DBNL: variants seen among roughly 807,000 people sequenced by gnomAD.
The protein encoded by DBNL is drebrin-like protein.
Under a neutral mutation model 62.2 loss-of-function variants are expected in DBNL, and 35 were observed. That is an observed-to-expected ratio of 0.56 (90% CI 0.43 to 0.75). DBNL has a LOEUF of 0.75. DBNL is among the 30% of genes least tolerant of loss of function. The probability of loss-of-function intolerance (pLI) is 0.00; values close to 1 mark genes in which losing one functional copy is unlikely to be tolerated. For missense variants in DBNL, 495 were observed against 578.4 expected (o/e 0.86, Z 1.48); for synonymous variants, 197 against 218.0 (o/e 0.90, Z 0.85).
At position 44,064,799 on chromosome 7, in the gene DBNL, C is replaced by CCCCCCGCCCCCGCGCCGCAAAGTGGGCG; in HGVS notation, c.*3884_*3885insCCCCGCCCCCGCGCCGCAAAGTGGGCGC. On this transcript the variant is annotated 3_prime_UTR_variant, in exon 13 of 13. Coordinates refer to ENST00000448521, the MANE Select transcript of DBNL (RefSeq NM_001014436.3). ...GAAGCCAGCTGGGGCTGCTGCCCAC[C>CCCCCCGCCCCCGCGCCGCAAAGTGGGCG]CACCCTGCCCAGGCTCCTGAAGGTG... 8.2e-7 allele frequency: 1 copy of CCCCCCGCCCCCGCGCCGCAAAGTGGGCG among 1,212,908 alleles called. No homozygotes were observed. Among genetic ancestry groups the CCCCCCGCCCCCGCGCCGCAAAGTGGGCG allele is most frequent in the Non-Finnish European group, 1.2e-6 (1 of 841,502 alleles). The allele number at this position is 1,212,908 out of a possible 1,614,324, so 75.1% of individuals were successfully genotyped here.
At chr7:44,056,648 T>C in intron 4 of DBNL, 109 bp from the exon 5 acceptor site, 1 of 1,442,156 alleles carries the variant, frequency 6.9e-7, no homozygotes, top group Non-Finnish European at 9.3e-7. Flanking sequence ...AGTTTCCTGA[T>C]TCCAGTCCTG....
Position 44,057,817 on chromosome 7 carries a change from G to T in DBNL, c.510G>T (p.Glu170Asp). 6.2e-7 allele frequency: 1 copy of T among 1,614,214 alleles called. No homozygotes were observed. The highest frequency in any genetic ancestry group is 1.3e-5 in the African/African-American group (1 of 75,054). ...ACCAGAAGACCAATGCCGTGTCTGA[G>T]ATTAAAAGGGTTGGTAAAGACAGCT... Reference protein sequence around the residue: ...SVYQKTNAVSEIKRVGKDSFW... With the variant: ...SVYQKTNAVSDIKRVGKDSFW... Residue 170 changes from glutamate to aspartate, a missense_variant, in exon 6 of 13, where the codon GAG (glutamate) becomes GAT (aspartate). By Grantham distance (45) the Glu-to-Asp change is conservative. Transcript: ENST00000448521.
In DBNL at chr7:44,058,963, C is replaced by T; in HGVS notation, c.815C>T (p.Ser272Phe). The change falls in exon 9 of 13, where the codon TCC (serine) becomes TTC (phenylalanine). Residue 272 changes from serine to phenylalanine, a missense_variant. Transcript: ENST00000448521. The part of the protein sequence containing the change: ...KQKERAMSTT[S>F]ISSPQPGKLR... ...AAGGAGAGGGCCATGTCCACCACCT[C>T]CATCTCCAGTCCTCAGCCTGGTGAG... 1 of 1,614,000 alleles carries T rather than the reference C, an allele frequency of 6.2e-7. No homozygotes were observed. The highest frequency in any genetic ancestry group is 1.3e-5 in the African/African-American group (1 of 74,994).
At position 44,060,980 on chromosome 7, in the gene DBNL, C is replaced by T; in HGVS notation, c.*64C>T. The T allele has an allele frequency of 6.4e-7, 1 of 1,570,776 alleles. No individual in the cohort carries two copies. The highest frequency in any genetic ancestry group is 1.2e-5 in the South Asian group (1 of 85,894). On this transcript the variant is annotated 3_prime_UTR_variant, in exon 13 of 13. Coordinates refer to ENST00000448521, the MANE Select transcript of DBNL (RefSeq NM_001014436.3). This position sits in a 1 kb window ranked among gnomAD's most constrained non-coding sequence, Gnocchi z 6.3. ...GCTTCCTTATTGCTGGAAGAGGAGG[C>T]CTGGGAGTTGACATTCAGCACTCTT...
Position 44,059,992 on chromosome 7 carries a change from CAG to C in DBNL, c.1048-55_1048-54del. 6.5e-7 allele frequency: 1 copy of C among 1,543,166 alleles called. No individual in the cohort carries two copies. Among genetic ancestry groups the C allele is most frequent in the Non-Finnish European group, 8.9e-7 (1 of 1,126,184 alleles). On this transcript the variant is annotated intron_variant, in intron 11 of 12. Coordinates refer to ENST00000448521, the MANE Select transcript of DBNL (RefSeq NM_001014436.3). This position sits in a 1 kb window ranked among gnomAD's most constrained non-coding sequence, Gnocchi z 4.1. ...TTGACCTGAGCCATGTGGGGCAGAG[CAG>C]CGATTGTGTGTAAGGGCTGAGTCTG...
At position 44,059,030 on chromosome 7, in the gene DBNL, G is replaced by A; in HGVS notation, c.835+47G>A. On this transcript the variant is annotated intron_variant, in intron 9 of 12. Coordinates refer to ENST00000448521, the MANE Select transcript of DBNL (RefSeq NM_001014436.3). This position sits in a 1 kb window ranked among gnomAD's most constrained non-coding sequence, Gnocchi z 4.1. ...GGCCATGAGGCAGCAGCAGGCTGAGGGGGAGCCTGGGGTCCTATGTGGGCT... is the reference window on the plus strand; with the variant it reads ...GGCCATGAGGCAGCAGCAGGCTGAGAGGGAGCCTGGGGTCCTATGTGGGCT... The A allele has an allele frequency of 6.3e-7, 1 of 1,595,850 alleles. No homozygotes were observed. The highest frequency in any genetic ancestry group is 8.6e-7 in the Non-Finnish European group (1 of 1,164,848).
At chr7:44,057,746 T>A in intron 5 of DBNL, 36 bp from the exon 6 acceptor site, 1 of 1,612,774 alleles carries the variant, frequency 6.2e-7, no homozygotes, top group Non-Finnish European at 8.5e-7. Flanking sequence ...GCCTTCCACC[T>A]GGGTCCAGGT....
rs969663372 is a variant in DBNL, at chr7:44,067,827, A to G, written c.*6911A>G. ...TGCAGGAGCAGCTGTCAGTAGACAG[A>G]TAAGAAAAGGAGATCAGATTCAAAG... is the stretch of plus-strand genomic sequence containing the variant. On this transcript the variant is annotated 3_prime_UTR_variant, in exon 13 of 13. Coordinates refer to ENST00000448521, the MANE Select transcript of DBNL (RefSeq NM_001014436.3). The G allele has an allele frequency of 5.3e-5, 8 of 152,248 alleles. No homozygotes were observed. The highest frequency in any genetic ancestry group is 1.9e-4 in the African/African-American group (8 of 41,456). 9.4% of individuals were successfully genotyped at this position (152,248 alleles called of 1,614,324 possible). A position where few individuals can be genotyped will look rare whatever the true frequency, so the allele number is the denominator to read the frequency against.
At position 44,063,550 on chromosome 7, in the gene DBNL, G is replaced by A. The variant is rs2096153185; in HGVS notation, c.*2634G>A. The A allele has an allele frequency of 1.2e-5, 2 of 167,258 alleles. No homozygotes were observed. The highest frequency in any genetic ancestry group is 2.8e-4 in the South Asian group (2 of 7,074). 10.4% of individuals were successfully genotyped at this position (167,258 alleles called of 1,614,324 possible). On this transcript the variant is annotated 3_prime_UTR_variant, in exon 13 of 13. Transcript: ENST00000448521. ...CTGCCTCAGCCTCCCAAAGTGCTGG[G>A]ATTACAGGAGTGAGCCACCGTGCCC...
rs148015804 is a variant in DBNL at position 44,062,340 on chromosome 7, G to C, written c.*1424G>C. 1 of 225,470 alleles carries C rather than the reference G, an allele frequency of 4.4e-6. No individual in the cohort carries two copies. The highest frequency in any genetic ancestry group is 2.2e-5 in the African/African-American group (1 of 44,516). The allele number at this position is 225,470 out of a possible 1,614,324, so 14.0% of individuals were successfully genotyped here. A position where few individuals can be genotyped will look rare whatever the true frequency, so the allele number is the denominator to read the frequency against. ...AGAGGCAGGGCTCAAAGTGCCACCC[G>C]GGGGTTGCAAGGACAGCAGAGGACC... On this transcript the variant is annotated 3_prime_UTR_variant, in exon 13 of 13. Coordinates refer to ENST00000448521, the MANE Select transcript of DBNL (RefSeq NM_001014436.3).
In DBNL at chr7:44,044,762, G is replaced by T; in HGVS notation, c.25G>T (p.Gly9Trp). The T allele has an allele frequency of 1.3e-6, 2 of 1,507,998 alleles. No individual in the cohort carries two copies. Among genetic ancestry groups the T allele is most frequent in the Non-Finnish European group, 8.9e-7 (1 of 1,129,452 alleles). 93.4% of individuals were successfully genotyped at this position (1,507,998 alleles called of 1,614,324 possible). ...CATGGCGGCGAACCTGAGCCGGAAC[G>T]GGCCAGCGCTGCAAGAGGCCTACGT... MAANLSRN[G>W]PALQEAYVRV... The change falls in exon 1 of 13, where the codon GGG (glycine) becomes TGG (tryptophan). Residue 9 changes from glycine (G) to tryptophan (W), a missense_variant. Gly to Trp is a radical substitution (Grantham distance 184, BLOSUM62 -2). Transcript: ENST00000448521.
intron 1 of DBNL, among the ~76,000 whole-genome samples, chr7:44,048,827 C>T (rs191533611): frequency 2.0e-5 from 3 of 152,280 alleles, no homozygotes; most frequent in Non-Finnish European, 4.4e-5. Flanking sequence ...TATTAGCAAG[C>T]CAGAATGAAT....
rs1466925716 is a variant in DBNL at position 44,068,829 on chromosome 7, C to T, written c.*7913C>T. ...TGAACCACACAACTGGATAAATTAA[C>T]AACAAAAGTCCAAGCTTAGACACAT... On this transcript the variant is annotated 3_prime_UTR_variant, in exon 13 of 13. Transcript: ENST00000448521. 1.3e-5 allele frequency: 2 copies of T among 152,258 alleles called. No homozygotes were observed. Among genetic ancestry groups the T allele is most frequent in the East Asian group, 3.9e-4 (2 of 5,188 alleles). 9.4% of individuals were successfully genotyped at this position (152,258 alleles called of 1,614,324 possible). A position where few individuals can be genotyped will look rare whatever the true frequency, so the allele number is the denominator to read the frequency against.
rs1437033564 is a variant in DBNL, at chr7:44,044,726, G to A, written c.-12G>A. 6.0e-6 allele frequency: 9 copies of A among 1,496,004 alleles called. No homozygotes were observed. The highest frequency in any genetic ancestry group is 2.2e-5 in the Admixed American group (1 of 45,562). The allele number at this position is 1,496,004 out of a possible 1,614,324, so 92.7% of individuals were successfully genotyped here. On this transcript the variant is annotated 5_prime_UTR_variant, in exon 1 of 13. Coordinates refer to ENST00000448521, the MANE Select transcript of DBNL (RefSeq NM_001014436.3). Reference sequence around the variant, plus strand: ...AAGCTACAGCAGCGGCGCGGAGACTGCGGGGCGGGCCATGGCGGCGAACCT... The same window carrying A: ...AAGCTACAGCAGCGGCGCGGAGACTACGGGGCGGGCCATGGCGGCGAACCT...
chr7:44,065,084 T>TC lies in DBNL; in HGVS notation c.*4171dup, dbSNP rs2096156932. ...CCACCCGACTCCCCACTCTGCAGCTTCCCAGAGGCCTTCCCAGCAAAGGCA... is the reference window on the plus strand; with the variant it reads ...CCACCCGACTCCCCACTCTGCAGCTTCCCCAGAGGCCTTCCCAGCAAAGGCA... On this transcript the variant is annotated 3_prime_UTR_variant, in exon 13 of 13. Transcript: ENST00000448521. 1 of 1,612,646 alleles carries TC rather than the reference T, an allele frequency of 6.2e-7. No individual in the cohort carries two copies. The highest frequency in any genetic ancestry group is 8.5e-7 in the Non-Finnish European group (1 of 1,179,962).
chr7:44,063,197 T>C lies in DBNL; in HGVS notation c.*2281T>C. 2.0e-6 allele frequency: 1 copy of C among 505,168 alleles called. No individual in the cohort carries two copies. The highest frequency in any genetic ancestry group is 3.6e-6 in the Non-Finnish European group (1 of 274,930). The allele number at this position is 505,168 out of a possible 1,614,324, so 31.3% of individuals were successfully genotyped here. A position where few individuals can be genotyped will look rare whatever the true frequency, so the allele number is the denominator to read the frequency against. On this transcript the variant is annotated 3_prime_UTR_variant, in exon 13 of 13. Transcript: ENST00000448521. ...TGATCTGTGGTGGTGCTGTCCATAG[T>C]TCCCTCAGCCCAGTGTGACTCCAGC...
Position 44,065,805 on chromosome 7 carries a change from G to C in DBNL, c.*4889G>C. Reference sequence around the variant, plus strand: ...ATAACCAGCTGGCACCCAGAGCCCAGACTGAGTGGGGCTGCTGGTCAGGGA... The same window carrying C: ...ATAACCAGCTGGCACCCAGAGCCCACACTGAGTGGGGCTGCTGGTCAGGGA... On this transcript the variant is annotated 3_prime_UTR_variant, in exon 13 of 13. Transcript: ENST00000448521. 1.8e-6 allele frequency: 1 copy of C among 545,648 alleles called. No homozygotes were observed. Among genetic ancestry groups the C allele is most frequent in the Middle Eastern group, 5.0e-4 (1 of 2,008 alleles). The allele number at this position is 545,648 out of a possible 1,614,324, so 33.8% of individuals were successfully genotyped here.
Position 44,051,999 on chromosome 7 carries a change from C to T in DBNL, c.252+57C>T, listed in dbSNP as rs2096127449. On this transcript the variant is annotated intron_variant, in intron 3 of 12. Transcript: ENST00000448521. The stretch of plus-strand genomic sequence containing the variant: ...CCAGGAAACCCCATTGTCTTCTTTC[C>T]TGTTTTGACTTGACTTCAGGAACAA... The T allele has an allele frequency of 6.6e-6, 10 of 1,515,926 alleles. No homozygotes were observed. The South Asian group carries it at 1.1e-4, about 17-fold the overall frequency. 93.9% of individuals were successfully genotyped at this position (1,515,926 alleles called of 1,614,324 possible).
Position 44,060,951 on chromosome 7 carries a change from C to T in DBNL, c.*35C>T, listed in dbSNP as rs748915755. ...CACATCTTGCCCTTCCCCTCTCAGA[C>T]ATGGCTTCCTTATTGCTGGAAGAGG... On this transcript the variant is annotated 3_prime_UTR_variant, in exon 13 of 13. Transcript: ENST00000448521. This position sits in a 1 kb window ranked among gnomAD's most constrained non-coding sequence, Gnocchi z 6.3. The T allele has an allele frequency of 3.1e-6, 5 of 1,602,400 alleles. No individual in the cohort carries two copies. The highest frequency in any genetic ancestry group is 1.1e-5 in the South Asian group (1 of 90,218).
Sources: allele counts gnomAD v4.1 joint callset (sites outside exome capture counted in the v4.1 genomes callset), GRCh38; gene constraint gnomAD v4.1.1; non-coding constraint Gnocchi (gnomAD v3.1); transcripts MANE v1.5; gene names NCBI Gene and HGNC (gene_info 2026-07-23, HGNC 2026-07-21).